The following CDH18 variants were observed in gnomAD, a reference collection of about 807,000 sequenced individuals.
The protein encoded by CDH18 is cadherin 18, also known as cadherin-18.
In CDH18, 31 loss-of-function variants were observed where a neutral mutation model predicts 67.9. That is an observed-to-expected ratio of 0.46 (90% confidence interval 0.34 to 0.62). CDH18 has a LOEUF of 0.62. CDH18 is among the 20% of genes least tolerant of loss of function. The probability of loss-of-function intolerance (pLI) is 0.01; values close to 1 mark genes in which losing one functional copy is unlikely to be tolerated. For synonymous variants in CDH18, 362 were observed against 347.2 expected (o/e 1.04, Z -0.48); for missense variants, 890 against 975.5 (o/e 0.91, Z 1.17).
At chr5:20,248,346 A>T (rs1397968131) in intron 2 of CDH18, among the ~76,000 whole-genome samples, 1 of 152,230 alleles carries the variant, frequency 6.6e-6, no homozygotes, top group Admixed American at 6.5e-5. Flanking sequence ...GCATAATCAC[A>T]TTCTTTCTCA....
intron 3 of CDH18, among the ~76,000 whole-genome samples, chr5:19,754,984 C>T (rs1295892357): frequency 1.3e-5 from 2 of 151,964 alleles, no homozygotes; most frequent in African/African-American, 4.8e-5. Context: ...CAGAACCTAT[C>T]AAAACCTCTG....
chr5:20,085,164 C>A (rs1033871162), intron 2 of CDH18, among the ~76,000 whole-genome samples: 8 of 152,178 alleles, frequency 5.3e-5, no homozygotes, highest in Admixed American at 2.6e-4. Flanking sequence ...ACTTGCTTTG[C>A]TGCTTAGAAA....
intron 5 of CDH18, among the ~76,000 whole-genome samples, chr5:19,686,369 T>A (rs773675372): frequency 2.6e-5 from 4 of 152,016 alleles, no homozygotes; most frequent in Non-Finnish European, 5.9e-5. Context: ...AAACCTGAAG[T>A]TTTTATGTGA....
chr5:20,569,086 G>A (rs1265317952), intron 1 of CDH18, among the ~76,000 whole-genome samples: 3 of 152,186 alleles, frequency 2.0e-5, no homozygotes, highest in African/African-American at 7.2e-5. Context: ...ACTGCATGCT[G>A]CTTTCAATGA....
At chr5:20,076,544 CAA>C (rs199703794) in intron 2 of CDH18, among the ~76,000 whole-genome samples, 2 of 134,000 alleles carry the variant, frequency 1.5e-5, no homozygotes, top group South Asian at 2.4e-4. Context: ...AATAGATTCC[CAA>C]AAAAAAAAAG....
chr5:19,613,709 A>G (rs1297423971), intron 5 of CDH18, among the ~76,000 whole-genome samples: 1 of 152,140 alleles, frequency 6.6e-6, no homozygotes, highest in Non-Finnish European at 1.5e-5. Flanking sequence ...CTTACGTTTT[A>G]AAGTTAAAAA....
At chr5:19,937,912 C>T (rs1226824512) in intron 2 of CDH18, among the ~76,000 whole-genome samples, 1 of 149,392 alleles carries the variant, frequency 6.7e-6, no homozygotes, top group African/African-American at 2.5e-5. Context: ...TTCACAAAGA[C>T]AAGAATCACA....
chr5:19,949,856 G>A (rs1209974895), intron 2 of CDH18, among the ~76,000 whole-genome samples: 1 of 151,870 alleles, frequency 6.6e-6, no homozygotes, highest in Non-Finnish European at 1.5e-5. Context: ...CAGAGGAAAA[G>A]AAGTCATTAT....
chr5:20,545,728 C>T (rs1162224457), intron 1 of CDH18, among the ~76,000 whole-genome samples: 1 of 152,194 alleles, frequency 6.6e-6, no homozygotes, highest in Admixed American at 6.5e-5. Context: ...AGAGGGGCTA[C>T]TGCCAAGATC....
chr5:20,198,361 C>G (rs1287158211), intron 2 of CDH18, among the ~76,000 whole-genome samples: 1 of 152,104 alleles, frequency 6.6e-6, no homozygotes, highest in Non-Finnish European at 1.5e-5. Flanking sequence ...CTGAAGTGAT[C>G]TCAGATGAAG....
At chr5:20,423,825 T>C (rs533820345) in intron 1 of CDH18, among the ~76,000 whole-genome samples, 2 of 149,850 alleles carry the variant, frequency 1.3e-5, no homozygotes, top group African/African-American at 5.0e-5. Context: ...TGGGCGCCTG[T>C]AGTCCCAGCT....
chr5:20,414,679 T>TGG (rs1747129071), intron 1 of CDH18, among the ~76,000 whole-genome samples: 1 of 152,156 alleles, frequency 6.6e-6, no homozygotes, highest in Admixed American at 6.5e-5. Flanking sequence ...TATATGAATT[T>TGG]TTTTAAGACA....
chr5:20,425,937 C>T (rs1448885715), intron 1 of CDH18, among the ~76,000 whole-genome samples: 1 of 151,168 alleles, frequency 6.6e-6, no homozygotes, highest in East Asian at 1.9e-4. Flanking sequence ...CCAGATAACA[C>T]ATTTTCTTGT....
chr5:20,331,623 T>C (rs892434370), intron 1 of CDH18, among the ~76,000 whole-genome samples: 5 of 152,182 alleles, frequency 3.3e-5, no homozygotes, highest in African/African-American at 4.8e-5. Flanking sequence ...CACTTAGTTA[T>C]AGACAACCAG....
intron 2 of CDH18, among the ~76,000 whole-genome samples, chr5:20,236,805 A>G (rs1742506609): frequency 6.6e-6 from 1 of 152,038 alleles, no homozygotes; most frequent in South Asian, 2.1e-4. Flanking sequence ...TGAATTTGAG[A>G]GTGATTATTC....
chr5:20,392,339 A>G (rs1254495140), intron 1 of CDH18, among the ~76,000 whole-genome samples: 2 of 151,878 alleles, frequency 1.3e-5, no homozygotes, highest in African/African-American at 4.8e-5. Flanking sequence ...AAGAGAAATT[A>G]TAGAAAAAAA....
chr5:19,511,061 C>T (rs142807617), intron 10 of CDH18, among the ~76,000 whole-genome samples: 194 of 152,216 alleles, frequency 1.3e-3, no homozygotes, highest in East Asian at 2.9e-3. Context: ...ATCTGCCTGC[C>T]TTAGCCTCCC....
intron 5 of CDH18, among the ~76,000 whole-genome samples, chr5:19,702,079 G>GCA (rs1763326031): frequency 6.6e-6 from 1 of 150,782 alleles, no homozygotes; most frequent in Admixed American, 6.6e-5. Context: ...CCACCACGGT[G>GCA]CACTCAGTCC....
In CDH18 at chr5:20,075,890, A is replaced by T. The variant is rs1743887544; in HGVS notation, c.-517-83876T>A. Among the ~76,000 whole-genome samples the T allele has an allele frequency of 4.6e-5, 7 of 152,294 alleles. No homozygotes were observed. The South Asian group carries it at 1.5e-3, about 32-fold the overall frequency. On this transcript the variant is annotated intron_variant, in intron 2 of 14. Coordinates refer to the CDH18 transcript ENST00000507958. ...TAAAAATAATTGAGTATTTCAAAAA[A>T]AATCTGAAACTTCTTTCTTCTTCTA...
Sources: gnomAD v4.1 joint callset for allele counts (sites outside exome capture counted in the v4.1 genomes callset) on GRCh38, gnomAD v4.1.1 for gene constraint, MANE v1.5 for transcripts, NCBI Gene and HGNC (gene_info 2026-07-23, HGNC 2026-07-21) for gene names.